Variants in RALYL observed in about 807,000 individuals in gnomAD.
RALYL encodes RNA-binding Raly-like protein.
Under a neutral mutation model 35.1 loss-of-function variants are expected in RALYL, and 29 were observed. That is an observed-to-expected ratio of 0.83 (90% CI 0.61 to 1.13). The LOEUF (loss-of-function observed/expected upper bound fraction) is 1.13, where lower values mean the gene tolerates loss of function less well. RALYL is among the 50% of genes most tolerant of loss of function. The pLI is 0.00. For synonymous variants in RALYL, 120 were observed against 127.6 expected (o/e 0.94, Z 0.40); for missense variants, 359 against 360.4 (o/e 1.00, Z 0.03).
chr8:84,586,169 T>C (rs895009905), intron 2 of RALYL, among the ~76,000 whole-genome samples: 1 of 148,970 alleles, frequency 6.7e-6, no homozygotes, highest in Non-Finnish European at 1.5e-5. Context: ...CACTCCAGCC[T>C]GGGCAACAGA....
chr8:84,677,676 G>T lies in RALYL; in HGVS notation c.257-96903G>T, dbSNP rs529604246. 3.9e-5 allele frequency among the ~76,000 whole-genome samples: 6 copies of T among 152,272 alleles called. No homozygotes were observed. In the South Asian group the frequency reaches 8.3e-4, roughly 21 times the overall value. Reference sequence around the variant, plus strand: ...CCAGCAGTATTTATTGATATTTTGTGCAATAAAAGAAAATGAAAGATGCAG... The same window carrying T: ...CCAGCAGTATTTATTGATATTTTGTTCAATAAAAGAAAATGAAAGATGCAG... On this transcript the variant is annotated intron_variant, in intron 2 of 8. Coordinates refer to ENST00000521268, the MANE Select transcript of RALYL (RefSeq NM_173848.7).
rs550102819 is a variant in RALYL, at chr8:84,239,908, T to TAAATAA, written c.-24+55499_-24+55504dup. Among the ~76,000 whole-genome samples, 312 of 151,932 alleles carry TAAATAA rather than the reference T, an allele frequency of 2.1e-3. 1 individual carries two copies. Among genetic ancestry groups the TAAATAA allele is most frequent in the African/African-American group, 7.2e-3 (297 of 41,460 alleles). On this transcript the variant is annotated intron_variant, in intron 1 of 8. Transcript: ENST00000521268. ...TCCATCTCAAATAAATAAATAAAAATAAATAAAAATAAAAATAAAAGACAG... is the reference window on the plus strand; with the variant it reads ...TCCATCTCAAATAAATAAATAAAAATAAATAAAAATAAAAATAAAAATAAAAGACAG...
intron 2 of RALYL, among the ~76,000 whole-genome samples, chr8:84,591,083 T>C (rs1813148722): frequency 6.6e-6 from 1 of 152,164 alleles, no homozygotes; most frequent in Admixed American, 6.6e-5. Context: ...CATTTGAGTG[T>C]ATGGTGAAAT....
intron 2 of RALYL, among the ~76,000 whole-genome samples, chr8:84,555,927 T>C (rs375641500): frequency 6.6e-6 from 1 of 152,242 alleles, no homozygotes; most frequent in African/African-American, 2.4e-5. Context: ...TTCACTGTTT[T>C]AGATAATTTG....
At chr8:84,802,354 C>A (rs867936732) in intron 3 of RALYL, among the ~76,000 whole-genome samples, 1 of 152,188 alleles carries the variant, frequency 6.6e-6, no homozygotes, top group Non-Finnish European at 1.5e-5. Flanking sequence ...AGTTTGCAAA[C>A]TCTTGGTTTA....
At chr8:84,402,944 C>G (rs1268981577) in intron 1 of RALYL, among the ~76,000 whole-genome samples, 1 of 152,120 alleles carries the variant, frequency 6.6e-6, no homozygotes, top group Non-Finnish European at 1.5e-5. Context: ...TGTCTTTTGG[C>G]TGCATAAATG....
At chr8:84,811,427 C>T (rs1201297876) in intron 4 of RALYL, among the ~76,000 whole-genome samples, 1 of 152,196 alleles carries the variant, frequency 6.6e-6, no homozygotes, top group African/African-American at 2.4e-5. Flanking sequence ...CCTGGTGCTT[C>T]TGTCTCACAT....
At chr8:84,291,778 C>T (rs998760914) in intron 1 of RALYL, among the ~76,000 whole-genome samples, 7 of 151,792 alleles carry the variant, frequency 4.6e-5, no homozygotes, top group South Asian at 2.1e-4. Flanking sequence ...AATGGCATTA[C>T]GTTCATGCAG....
At chr8:84,453,443 A>T (rs698149) in intron 1 of RALYL, among the ~76,000 whole-genome samples, 6,545 of 152,086 alleles carry the variant, frequency 0.043, 170 homozygotes, top group Middle Eastern at 0.078. Context: ...TGTCCAGTTA[A>T]GCTTGTTGAG....
At chr8:84,797,427 T>C (rs1822199606) in intron 3 of RALYL, among the ~76,000 whole-genome samples, 1 of 152,180 alleles carries the variant, frequency 6.6e-6, no homozygotes, top group Non-Finnish European at 1.5e-5. Context: ...TTGTCAAAAT[T>C]CCATGTGTGA....
intron 2 of RALYL, among the ~76,000 whole-genome samples, chr8:84,686,048 C>T (rs972090157): frequency 5.9e-5 from 9 of 152,170 alleles, no homozygotes; most frequent in Non-Finnish European, 1.3e-4. Flanking sequence ...TTAGCTTGGA[C>T]ACAGCTGGTG....
chr8:84,617,653 G>A (rs572587277), intron 2 of RALYL, among the ~76,000 whole-genome samples: 1 of 149,254 alleles, frequency 6.7e-6, no homozygotes, highest in East Asian at 2.0e-4. Context: ...GTGAGAGAGG[G>A]CATCCCTGTC....
chr8:84,779,929 T>C (rs1459041982), intron 3 of RALYL, among the ~76,000 whole-genome samples: 1 of 152,248 alleles, frequency 6.6e-6, no homozygotes, highest in East Asian at 1.9e-4. Context: ...TAATTTCAGC[T>C]AATGCTAAAT....
chr8:84,231,105 G>GT (rs552080632), intron 1 of RALYL, among the ~76,000 whole-genome samples: 2 of 152,216 alleles, frequency 1.3e-5, no homozygotes, highest in Non-Finnish European at 2.9e-5. Flanking sequence ...TGCTGTGGCA[G>GT]TAAGGCATAA....
intron 1 of RALYL, among the ~76,000 whole-genome samples, chr8:84,200,786 G>A (rs1816655293): frequency 6.6e-6 from 1 of 152,044 alleles, no homozygotes; most frequent in South Asian, 2.1e-4. Context: ...TTTAATGGGG[G>A]GATGGGATGA....
intron 4 of RALYL, chr8:84,829,212 G>A (rs1380966569): frequency 6.6e-6 from 1 of 151,974 alleles, no homozygotes; most frequent in African/African-American, 2.4e-5. Context: ...ACTATCATGG[G>A]AATAGTACAG....
At chr8:84,808,000 C>G (rs974153659) in intron 4 of RALYL, among the ~76,000 whole-genome samples, 3 of 152,144 alleles carry the variant, frequency 2.0e-5, no homozygotes, top group Admixed American at 2.0e-4. Context: ...CATGCAAAAG[C>G]TCTTTAGTTT....
chr8:84,463,954 TC>T (rs1406954298), intron 1 of RALYL, among the ~76,000 whole-genome samples: 4 of 152,048 alleles, frequency 2.6e-5, no homozygotes, highest in Non-Finnish European at 5.9e-5. Flanking sequence ...TTTCGCCTTT[TC>T]TAGAATGTCA....
intron 1 of RALYL, among the ~76,000 whole-genome samples, chr8:84,268,392 G>T (rs1019839592): frequency 5.2e-4 from 79 of 152,224 alleles, no homozygotes; most frequent in African/African-American, 1.8e-3. Context: ...AAAACTCATT[G>T]GCAATTTAAT....
Sources: gnomAD v4.1 joint callset for allele counts (sites outside exome capture counted in the v4.1 genomes callset) on GRCh38, gnomAD v4.1.1 for gene constraint, MANE v1.5 for transcripts, NCBI Gene and HGNC (gene_info 2026-07-23, HGNC 2026-07-21) for gene names.